Variants in AHCTF1 observed in about 807,000 individuals in gnomAD.
The protein encoded by AHCTF1 is AT-hook containing transcription factor 1, also known as protein ELYS.
In AHCTF1, 24 loss-of-function variants were observed where a neutral mutation model predicts 248.4. The ratio of observed to expected loss-of-function variants is 0.10; its 90% confidence interval spans 0.07 to 0.14. AHCTF1 has a LOEUF of 0.14. Among genes scored for constraint, AHCTF1 ranks in the 10% least tolerant of loss-of-function variants. The pLI is 1.00. For missense variants in AHCTF1, 2,206 were observed against 2,636.2 expected (o/e 0.84, Z 3.57); for synonymous variants, 786 against 929.8 (o/e 0.85, Z 2.81).
chr1:246,923,362 C>T (rs987214022), intron 1 of AHCTF1, among the ~76,000 whole-genome samples: 14 of 152,094 alleles, frequency 9.2e-5, no homozygotes, highest in African/African-American at 3.1e-4. Flanking sequence ...TTGCAGTGGG[C>T]CAAAATTGTG....
At chr1:246,895,215 G>C (rs558209220) in intron 13 of AHCTF1, among the ~76,000 whole-genome samples, 34 of 152,274 alleles carry the variant, frequency 2.2e-4, no homozygotes, top group African/African-American at 8.2e-4. Flanking sequence ...TTTCAATAAG[G>C]TCTCTAGGTT....
chr1:246,915,037 T>A (rs1666046458), intron 3 of AHCTF1, among the ~76,000 whole-genome samples: 1 of 152,148 alleles, frequency 6.6e-6, no homozygotes, highest in South Asian at 2.1e-4. Flanking sequence ...CTACTTAAAA[T>A]TACTTCACCA....
chr1:246,905,863 G>C (rs1665350428), intron 5 of AHCTF1, among the ~76,000 whole-genome samples: 1 of 152,178 alleles, frequency 6.6e-6, no homozygotes, highest in Non-Finnish European at 1.5e-5. Context: ...ATCCCCCAGA[G>C]ACAGAACTGG....
intron 24 of AHCTF1, among the ~76,000 whole-genome samples, chr1:246,874,363 C>T (rs1024075113): frequency 2.0e-5 from 3 of 152,118 alleles, no homozygotes; most frequent in African/African-American, 7.2e-5. Context: ...CCTCTACATG[C>T]CAAGCAAACA....
chr1:246,896,019 T>TA (rs1664549074), intron 12 of AHCTF1, 94 bp from the exon 13 acceptor site: 1 of 976,948 alleles, frequency 1.0e-6, no homozygotes, highest in Non-Finnish European at 1.6e-6. Flanking sequence ...ATTTTAAGGC[T>TA]AAAAAAATCA....
chr1:246,873,142 G>A (rs1662714840), intron 24 of AHCTF1, among the ~76,000 whole-genome samples: 1 of 152,164 alleles, frequency 6.6e-6, no homozygotes, highest in African/African-American at 2.4e-5. Context: ...CTCTTCTGGG[G>A]AAGGGATATT....
At position 246,889,993 on chromosome 1, in the gene AHCTF1, C is replaced by T. The variant is rs140782802; in HGVS notation, c.2117G>A (p.Arg706His). 3.5e-5 allele frequency: 57 copies of T among 1,611,934 alleles called. No individual in the cohort carries two copies. The African/African-American group carries it at 4.5e-4, about 13-fold the overall frequency. Residue 706 changes from arginine (R) to histidine (H), a missense_variant, in exon 17 of 36, where the codon CGT becomes CAT. Physicochemically the swap from Arg to His is conservative, Grantham distance 29 (BLOSUM62 0). Around this residue, in one of 6 missense-constraint regions of AHCTF1, gnomAD observed 650 missense variants for 870.8 expected, o/e 0.75. Transcript: ENST00000648844. ...TGATAAACGCTCAAACTTCTGTCGA[C>T]GACTGGTGTAGTAGTTCTGAATTAC... ...YPVIQNYYTS[R>H]RQKFERLSRG... is the part of the protein sequence containing the mutation.
At chr1:246,899,959 G>A (rs1664878178) in intron 10 of AHCTF1, 106 bp downstream of exon 10, 1 of 1,108,502 alleles carries the variant, frequency 9.0e-7, no homozygotes, top group Non-Finnish European at 1.3e-6. Flanking sequence ...TTAACTAACA[G>A]TGAGATACAA....
At position 246,901,250 on chromosome 1, in the gene AHCTF1, A is replaced by G. The variant is rs566082956; in HGVS notation, c.1118-781T>C. The stretch of plus-strand genomic sequence containing the variant: ...CAGCTACTCAGGAGGCTGAGGTGGG[A>G]GGATCGCTTGAACCTGGGAAGCAGA... On this transcript the variant is annotated intron_variant, in intron 8 of 35. Coordinates refer to ENST00000648844, the MANE Select transcript of AHCTF1 (RefSeq NM_001323342.2). Among the ~76,000 whole-genome samples the G allele has an allele frequency of 5.3e-5, 8 of 152,308 alleles. No individual in the cohort carries two copies. In the South Asian group the frequency reaches 1.7e-3, roughly 32 times the overall value.
At chr1:246,926,894 C>T (rs1666954848) in intron 1 of AHCTF1, among the ~76,000 whole-genome samples, 1 of 151,486 alleles carries the variant, frequency 6.6e-6, no homozygotes, top group African/African-American at 2.4e-5. Flanking sequence ...AAGTGTATGG[C>T]CGGGCCGCGG....
At position 246,841,075 on chromosome 1, in the gene AHCTF1, GAAAAACC is replaced by G. The variant is rs1408473957; in HGVS notation, c.6609-84_6609-78del. The G allele has an allele frequency of 2.3e-6, 3 of 1,325,070 alleles. No homozygotes were observed. The East Asian group carries it at 7.7e-5, about 34-fold the overall frequency. 82.1% of individuals were successfully genotyped at this position (1,325,070 alleles called of 1,614,324 possible). A position where few individuals can be genotyped will look rare whatever the true frequency, so the allele number is the denominator to read the frequency against. ...TAAAATTGGCTTCCCAACATGTTGAGAAAAACCTTAGGGACTGCTTAGTGCTTTCATT... is the reference window on the plus strand; with the variant it reads ...TAAAATTGGCTTCCCAACATGTTGAGTTAGGGACTGCTTAGTGCTTTCATT... On this transcript the variant is annotated intron_variant, in intron 35 of 35. Transcript: ENST00000648844.
intron 34 of AHCTF1, among the ~76,000 whole-genome samples, chr1:246,843,096 A>G (rs1280448248): frequency 1.3e-5 from 2 of 152,160 alleles, no homozygotes; most frequent in Admixed American, 6.5e-5. Flanking sequence ...ACAACCAGAG[A>G]CTATTGTTTC....
intron 1 of AHCTF1, among the ~76,000 whole-genome samples, chr1:246,929,880 C>T (rs527539411): frequency 4.6e-5 from 7 of 152,234 alleles, no homozygotes; most frequent in South Asian, 4.1e-4. Context: ...GGTGAAACCC[C>T]GTCTCTACTA....
intron 24 of AHCTF1, 28 bp downstream of exon 24, chr1:246,876,009 T>C (rs753829363): frequency 1.9e-5 from 30 of 1,559,248 alleles, no homozygotes; most frequent in Non-Finnish European, 2.4e-5. Context: ...ATCCAATAGA[T>C]TATGATATTC....
chr1:246,931,540 G>A (rs1667363208), intron 1 of AHCTF1, 38 bp downstream of exon 1: 1 of 268,672 alleles, frequency 3.7e-6, no homozygotes, highest in Non-Finnish European at 5.7e-6. Context: ...CCCGCCCTCC[G>A]CCGCGCGGGC....
intron 24 of AHCTF1, among the ~76,000 whole-genome samples, chr1:246,869,242 GACTA>G (rs890478543): frequency 5.9e-5 from 9 of 152,024 alleles, no homozygotes; most frequent in African/African-American, 1.9e-4. Context: ...TTACTCCACT[GACTA>G]ACTGTTCCCC....
chr1:246,861,244 C>T lies in AHCTF1; in HGVS notation c.3787G>A (p.Val1263Ile). The change falls in exon 29 of 36, where the codon GTT (valine) becomes ATT (isoleucine). Residue 1263 changes from valine to isoleucine, a missense_variant. By Grantham distance (29) the Val-to-Ile change is conservative. Transcript: ENST00000648844. ...TTCAGCCATTCAGTTTCCACTGGAACTGCACATTTTTTAGGTGTAGTAAAT... is the reference window on the plus strand; with the variant it reads ...TTCAGCCATTCAGTTTCCACTGGAATTGCACATTTTTTAGGTGTAGTAAAT... Reference protein sequence around the residue: ...EVFTTPKKCAVPVETEWLKSK... With the variant: ...EVFTTPKKCAIPVETEWLKSK... 1 of 1,613,132 alleles carries T rather than the reference C, an allele frequency of 6.2e-7. No homozygotes were observed.
chr1:246,857,166 C>T (rs1054644499), intron 30 of AHCTF1, among the ~76,000 whole-genome samples: 5 of 152,180 alleles, frequency 3.3e-5, no homozygotes, highest in Non-Finnish European at 7.3e-5. Context: ...TGTTGCAGAA[C>T]ATAAACTGAC....
rs570535005 is a variant in AHCTF1, at chr1:246,872,195, A to C, written c.3088+3842T>G. Among the ~76,000 whole-genome samples, 25 of 152,158 alleles carry C rather than the reference A, an allele frequency of 1.6e-4. 1 individual carries two copies. The highest frequency in any genetic ancestry group is 3.1e-4 in the Non-Finnish European group (21 of 68,026). ...TAGTTACTAAAGATACCTGATCTAA[A>C]AGATAAAACAGATCAAGGATCTAAC... On this transcript the variant is annotated intron_variant, in intron 24 of 35. Coordinates refer to ENST00000648844, the MANE Select transcript of AHCTF1 (RefSeq NM_001323342.2).
Sources: gnomAD v4.1 joint callset for allele counts (sites outside exome capture counted in the v4.1 genomes callset) on GRCh38, gnomAD v4.1.1 for gene constraint, gnomAD v4.1.1 regional missense constraint, MANE v1.5 for transcripts, NCBI Gene and HGNC (gene_info 2026-07-23, HGNC 2026-07-21) for gene names.